BRAP: variants seen among roughly 807,000 people sequenced by gnomAD.
BRAP encodes BRCA1-associated protein.
Under a neutral mutation model 73.4 loss-of-function variants are expected in BRAP, and 42 were observed. The ratio of observed to expected loss-of-function variants is 0.57; its 90% CI spans 0.45 to 0.74. BRAP has a LOEUF of 0.74. Among genes scored for constraint, BRAP ranks in the 30% least tolerant of loss-of-function variants. The probability of loss-of-function intolerance (pLI) is 0.00; values close to 1 mark genes in which losing one functional copy is unlikely to be tolerated. For synonymous variants in BRAP, 255 were observed against 267.4 expected (o/e 0.95, Z 0.45); for missense variants, 593 against 751.4 (o/e 0.79, Z 2.46).
intron 10 of BRAP, among the ~76,000 whole-genome samples, chr12:111,651,697 G>A (rs1489199726): frequency 6.9e-6 from 1 of 145,740 alleles, no homozygotes; most frequent in African/African-American, 2.6e-5. Context: ...GAGTGCAATG[G>A]CGCTATCTTG....
chr12:111,656,082 C>T (rs1886520417), intron 9 of BRAP, among the ~76,000 whole-genome samples: 1 of 152,150 alleles, frequency 6.6e-6, no homozygotes, highest in Admixed American at 6.5e-5. Flanking sequence ...AGGACAGCAG[C>T]ACTTCATCAC....
intron 11 of BRAP, among the ~76,000 whole-genome samples, chr12:111,647,248 G>C (rs527775617): frequency 6.6e-6 from 1 of 152,110 alleles, no homozygotes; most frequent in Non-Finnish European, 1.5e-5. Context: ...TCTGGCCTAG[G>C]CAACACAGCA....
At position 111,665,742 on chromosome 12, in the gene BRAP, T is replaced by G. The variant is rs1439360971; in HGVS notation, c.793A>C (p.Thr265Pro). 1 of 1,614,244 alleles carries G rather than the reference T, an allele frequency of 6.2e-7. No homozygotes were observed. The highest frequency in any genetic ancestry group is 8.5e-7 in the Non-Finnish European group (1 of 1,180,044). ...VMDLTELPKC[T>P]VCLERMDESV... is the part of the protein sequence containing the mutation. ...TCGTCCATGCGCTCCAGACACACCG[T>G]GCACTTGGGGAGTTCAGTCAGGTCC... Residue 265 changes from threonine to proline, a missense_variant, in exon 6 of 12, where the codon ACG becomes CCG. Transcript: ENST00000419234. The surrounding 1 kb of genome is among the most constrained non-coding windows in gnomAD (Gnocchi z 4.3).
At chr12:111,674,979 T>C (rs1051575166) in intron 4 of BRAP, among the ~76,000 whole-genome samples, 3 of 152,266 alleles carry the variant, frequency 2.0e-5, no homozygotes, top group African/African-American at 7.2e-5. Context: ...ACGACCAGCC[T>C]CCTCTACAGG....
chr12:111,685,727 G>A lies in BRAP; in HGVS notation c.66C>T (p.Phe22=). The stretch of plus-strand genomic sequence containing the variant: ...GGGACTCACCCGCGGCGCTGAAGCC[G>A]AAGCCGGCGGGGACAGGCGAGTGTT... The part of the protein sequence containing the change: ...LAEHSPVPAG[F]GFSAAAGEMS... The change falls in exon 1 of 12, where the codon TTC becomes TTT. Residue 22 remains phenylalanine, a synonymous_variant. Coordinates refer to ENST00000419234, the MANE Select transcript of BRAP (RefSeq NM_006768.5). The A allele has an allele frequency of 6.2e-7, 1 of 1,608,540 alleles. No individual in the cohort carries two copies. Among genetic ancestry groups the A allele is most frequent in the Admixed American group, 1.7e-5 (1 of 59,612 alleles).
intron 9 of BRAP, among the ~76,000 whole-genome samples, chr12:111,656,533 G>A (rs1886540348): frequency 6.6e-6 from 1 of 152,152 alleles, no homozygotes. Context: ...AGGCCAAGGA[G>A]TGGCAAGGTC....
intron 6 of BRAP, among the ~76,000 whole-genome samples, chr12:111,664,551 A>T (rs1886868166): frequency 6.6e-6 from 1 of 152,208 alleles, no homozygotes; most frequent in Non-Finnish European, 1.5e-5. Context: ...CTGTCCAGCT[A>T]AATAAGCAGG....
chr12:111,657,705 T>C (rs1469713728), intron 9 of BRAP, among the ~76,000 whole-genome samples: 1 of 151,932 alleles, frequency 6.6e-6, no homozygotes, highest in Admixed American at 6.6e-5. Flanking sequence ...CAGTGAAACC[T>C]TGTCTCTACT....
chr12:111,672,615 C>T (rs768412868), intron 5 of BRAP, 46 bp downstream of exon 5: 7 of 1,530,224 alleles, frequency 4.6e-6, no homozygotes, highest in East Asian at 4.6e-5. Flanking sequence ...CAATTTTACA[C>T]CAATCTGATA....
At chr12:111,651,446 G>A (rs1886319709) in intron 10 of BRAP, among the ~76,000 whole-genome samples, 1 of 151,562 alleles carries the variant, frequency 6.6e-6, no homozygotes, top group Non-Finnish European at 1.5e-5. Context: ...GCTGAGGCAG[G>A]GAGCGGCTTG....
At chr12:111,659,740 G>A (rs1293883057) in intron 7 of BRAP, among the ~76,000 whole-genome samples, 1 of 152,114 alleles carries the variant, frequency 6.6e-6, no homozygotes, top group Non-Finnish European at 1.5e-5. Flanking sequence ...TTGTTGGTTG[G>A]GCACAGTGGC....
At chr12:111,677,160 T>C (rs566784295) in intron 4 of BRAP, among the ~76,000 whole-genome samples, 2 of 152,340 alleles carry the variant, frequency 1.3e-5, no homozygotes, top group East Asian at 3.9e-4. Context: ...GTACTTGTTA[T>C]AGGGAACTGT....
intron 5 of BRAP, chr12:111,669,746 G>GAA: frequency 1.0e-5 from 3 of 293,826 alleles, no homozygotes; most frequent in Non-Finnish European, 1.3e-5. Context: ...AAATGAAAGA[G>GAA]AAAAAAAAAG....
intron 10 of BRAP, among the ~76,000 whole-genome samples, chr12:111,650,914 T>C (rs1192377841): frequency 1.3e-5 from 2 of 152,154 alleles, no homozygotes; most frequent in Non-Finnish European, 2.9e-5. Context: ...ATTAAAAAAT[T>C]CTGATGTATA....
intron 7 of BRAP, among the ~76,000 whole-genome samples, chr12:111,659,577 C>T (rs533847499): frequency 1.3e-5 from 2 of 152,140 alleles, no homozygotes; most frequent in African/African-American, 2.4e-5. Context: ...TCGCTTGAAC[C>T]CAGGAGGTGG....
chr12:111,678,098 CA>C (rs1160975203), intron 4 of BRAP, among the ~76,000 whole-genome samples: 1 of 151,650 alleles, frequency 6.6e-6, no homozygotes, highest in African/African-American at 2.4e-5. Context: ...ACTGAAAATA[CA>C]AAATTAGCCA....
intron 5 of BRAP, among the ~76,000 whole-genome samples, chr12:111,667,698 C>CAAAAAAAAAAAAAAAAAAAAAA (rs565349424): frequency 1.6e-3 from 35 of 21,282 alleles, no homozygotes; most frequent in East Asian, 5.2e-3. Flanking sequence ...AACTCCGTCT[C>CAAAAAAAAAAAAAAAAAAAAAA]AAAAAAAAAA....
chr12:111,652,436 G>A (rs1167108750), intron 10 of BRAP, among the ~76,000 whole-genome samples: 1 of 152,136 alleles, frequency 6.6e-6, no homozygotes, highest in Non-Finnish European at 1.5e-5. Flanking sequence ...TGTTAGCCAG[G>A]ATGGTCTAGA....
chr12:111,650,009 T>C lies in BRAP; in HGVS notation c.1345A>G (p.Ile449Val), dbSNP rs781255114. ...NNMKTKFKET[I>V]EKCDNLEHKL... ...TGCTCTAGATTATCACACTTCTCAA[T>C]TGTTTCTTTAAACTTGGTCTTCATG... Residue 449 changes from isoleucine to valine, a missense_variant, in exon 11 of 12, where the codon ATT (isoleucine) becomes GTT (valine). Ile to Val is a conservative substitution (Grantham distance 29, BLOSUM62 3). Around this residue, in one of 4 missense-constraint regions of BRAP, gnomAD observed 143 missense variants for 190.4 expected, o/e 0.75. Coordinates refer to ENST00000419234, the MANE Select transcript of BRAP (RefSeq NM_006768.5). 22 of 1,611,224 alleles carry C rather than the reference T, an allele frequency of 1.4e-5. No individual in the cohort carries two copies. Among genetic ancestry groups the C allele is most frequent in the Non-Finnish European group, 1.4e-5 (17 of 1,178,096 alleles).
Sources: gnomAD v4.1 joint callset for allele counts (sites outside exome capture counted in the v4.1 genomes callset) on GRCh38, gnomAD v4.1.1 for gene constraint, gnomAD v4.1.1 regional missense constraint, Gnocchi (gnomAD v3.1) non-coding constraint, MANE v1.5 for transcripts, NCBI Gene and HGNC (gene_info 2026-07-23, HGNC 2026-07-21) for gene names.